The following RGS6 variants were observed in gnomAD, a reference collection of about 807,000 sequenced individuals.
RGS6 encodes regulator of G protein signaling 6.
In RGS6, 30 loss-of-function variants were observed where a neutral mutation model predicts 78.5. The ratio of observed to expected loss-of-function variants is 0.38; its 90% CI spans 0.29 to 0.52. The LOEUF is 0.52. RGS6 is among the 20% of genes least tolerant of loss of function. The pLI is 0.85. For synonymous variants in RGS6, 206 were observed against 206.0 expected (o/e 1.00, Z 0.00); for missense variants, 495 against 609.7 (o/e 0.81, Z 1.98).
chr14:72,618,019 C>T, the RGS6 span, among the ~76,000 whole-genome samples: 2 of 152,070 alleles, frequency 1.3e-5, no homozygotes, highest in African/African-American at 4.8e-5. Flanking sequence ...ACACAGAGTT[C>T]TCGGAAGCTC....
rs1473774197 is a variant in RGS6, at chr14:72,300,497, GA to G, written c.85-51597del. 4.6e-5 allele frequency among the ~76,000 whole-genome samples: 7 copies of G among 152,296 alleles called. No homozygotes were observed. The East Asian group carries it at 1.3e-3, about 29-fold the overall frequency. On this transcript the variant is annotated intron_variant, in intron 2 of 17. Transcript: ENST00000553525. ...ATTCTGTCTCAGCCTGTCACACTTT[GA>G]TAAGATATATTTGGGGGAATATCAT...
chr14:72,275,329 A>G (rs1004082603), intron 2 of RGS6, among the ~76,000 whole-genome samples: 6 of 152,236 alleles, frequency 3.9e-5, no homozygotes, highest in African/African-American at 1.2e-4. Flanking sequence ...GCCACATGCT[A>G]TCTCAGTGGA....
intron 2 of RGS6, among the ~76,000 whole-genome samples, chr14:72,238,825 G>A (rs1337483501): frequency 6.6e-6 from 1 of 152,122 alleles, no homozygotes; most frequent in East Asian, 1.9e-4. Context: ...TTATTAACAA[G>A]GAGATTCATA....
At position 72,049,320 on chromosome 14, in the gene RGS6, A is replaced by C. The variant is rs565125756; in HGVS notation, c.84+84445A>C. On this transcript the variant is annotated intron_variant, in intron 2 of 17. Transcript: ENST00000553525. Reference sequence around the variant, plus strand: ...TTTGGAAACTGCCACCTTTTGGAATACAGAAGAGCTGGTTATGGGATTGGC... The same window carrying C: ...TTTGGAAACTGCCACCTTTTGGAATCCAGAAGAGCTGGTTATGGGATTGGC... Among the ~76,000 whole-genome samples, 646 of 152,318 alleles carry C rather than the reference A, an allele frequency of 4.2e-3. 7 individuals are homozygous for C. The highest frequency in any genetic ancestry group is 0.015 in the African/African-American group (616 of 41,578).
At chr14:72,584,541 T>C in the RGS6 span, among the ~76,000 whole-genome samples, 3 of 152,068 alleles carry the variant, frequency 2.0e-5, no homozygotes, top group Non-Finnish European at 4.4e-5. Context: ...CAGATAACCA[T>C]GCAGGGGTTG....
At chr14:72,188,755 G>A (rs960396596) in intron 2 of RGS6, among the ~76,000 whole-genome samples, 5 of 152,062 alleles carry the variant, frequency 3.3e-5, no homozygotes, top group Admixed American at 6.5e-5. Flanking sequence ...TTGTTCCTGG[G>A]CTCATGTAAG....
intron 2 of RGS6, among the ~76,000 whole-genome samples, chr14:72,173,525 A>G (rs1261746881): frequency 6.6e-6 from 1 of 152,160 alleles, no homozygotes; most frequent in Non-Finnish European, 1.5e-5. Flanking sequence ...TGCCAAGGAC[A>G]TTCACCAATA....
At position 72,172,807 on chromosome 14, in the gene RGS6, G is replaced by C. The variant is rs542115594; in HGVS notation, c.85-179288G>C. ...GAGGACTTGAATGTCTAGTCAAGGA[G>C]CTAGAGAGAAAACAAATATATCCTC... On this transcript the variant is annotated intron_variant, in intron 2 of 17. Coordinates refer to ENST00000553525, the MANE Select transcript of RGS6 (RefSeq NM_001204424.2). Among the ~76,000 whole-genome samples, 6 of 152,306 alleles carry C rather than the reference G, an allele frequency of 3.9e-5. No homozygotes were observed. The East Asian group carries it at 1.2e-3, about 29-fold the overall frequency.
At chr14:72,394,816 T>A (rs928985418) in intron 3 of RGS6, among the ~76,000 whole-genome samples, 3 of 152,152 alleles carry the variant, frequency 2.0e-5, no homozygotes, top group Non-Finnish European at 4.4e-5. Context: ...AAGACAGGCG[T>A]AAGAAATCAC....
intron 2 of RGS6, among the ~76,000 whole-genome samples, chr14:72,298,748 C>T (rs1477485114): frequency 6.6e-6 from 1 of 152,066 alleles, no homozygotes; most frequent in Non-Finnish European, 1.5e-5. Context: ...GTGCCTGGCC[C>T]TAATGTTTTT....
At chr14:71,886,589 T>TC in the RGS6 span, among the ~76,000 whole-genome samples, 1 of 152,184 alleles carries the variant, frequency 6.6e-6, no homozygotes, top group Non-Finnish European at 1.5e-5. Flanking sequence ...CCAACATAGC[T>TC]CCCACCTTTG....
chr14:72,547,416 G>C, intron 17 of RGS6: 1 of 1,227,112 alleles, frequency 8.1e-7, no homozygotes, highest in Non-Finnish European at 1.1e-6. Context: ...TGAGCTCCTG[G>C]TGGAAACAAC....
At chr14:72,327,304 C>G (rs1384786572) in intron 2 of RGS6, among the ~76,000 whole-genome samples, 4 of 152,132 alleles carry the variant, frequency 2.6e-5, no homozygotes, top group African/African-American at 9.7e-5. Context: ...CAGGGACTGT[C>G]AGAACTCCCC....
At chr14:72,005,710 G>A (rs12148043) in intron 2 of RGS6, among the ~76,000 whole-genome samples, 20,253 of 151,938 alleles carry the variant, frequency 0.13, 1,644 homozygotes, top group South Asian at 0.2. Flanking sequence ...TCATTTGAAG[G>A]GTCCTTTGGA....
chr14:71,889,778 G>A, the RGS6 span, among the ~76,000 whole-genome samples: 2 of 152,160 alleles, frequency 1.3e-5, no homozygotes, highest in Non-Finnish European at 2.9e-5. Context: ...CTGGTGGGAG[G>A]TGACTGGATC....
At chr14:72,533,564 CA>C (rs758304217) in intron 15 of RGS6, among the ~76,000 whole-genome samples, 16 of 152,220 alleles carry the variant, frequency 1.1e-4, no homozygotes, top group Non-Finnish European at 2.4e-4. Flanking sequence ...CAAAGTAAAT[CA>C]AAACCCTTCT....
At chr14:72,308,749 T>A (rs2067855530) in intron 2 of RGS6, among the ~76,000 whole-genome samples, 1 of 152,194 alleles carries the variant, frequency 6.6e-6, no homozygotes, top group Non-Finnish European at 1.5e-5. Context: ...GTATTCCTAT[T>A]TGGCACTAGC....
intron 2 of RGS6, among the ~76,000 whole-genome samples, chr14:71,996,156 G>T (rs200736566): frequency 4.1e-5 from 6 of 145,282 alleles, no homozygotes; most frequent in South Asian, 4.4e-4. Context: ...TTAGAAGTGT[G>T]TTTTTTTTTT....
the RGS6 span, among the ~76,000 whole-genome samples, chr14:71,909,469 CA>C: frequency 6.6e-6 from 1 of 151,606 alleles, no homozygotes; most frequent in Admixed American, 6.6e-5. Flanking sequence ...GACAGAAACA[CA>C]TACACCTGCA....
Sources: gnomAD v4.1 joint callset for allele counts (sites outside exome capture counted in the v4.1 genomes callset) on GRCh38, gnomAD v4.1.1 for gene constraint, MANE v1.5 for transcripts, NCBI Gene and HGNC (gene_info 2026-07-23, HGNC 2026-07-21) for gene names.